Variants in GLCE observed in about 807,000 individuals in gnomAD.
The protein encoded by GLCE is D-glucuronyl C5-epimerase.
Under a neutral mutation model 47.9 loss-of-function variants are expected in GLCE, and 19 were observed. That is an observed-to-expected ratio of 0.40 (90% CI 0.28 to 0.58). The LOEUF (loss-of-function observed/expected upper bound fraction) is 0.58, where lower values mean the gene tolerates loss of function less well. Ranked by LOEUF, GLCE falls within the 20% of genes least tolerant of loss-of-function variation. The probability of loss-of-function intolerance (pLI) is 0.48; values close to 1 mark genes in which losing one functional copy is unlikely to be tolerated. For synonymous variants in GLCE, 245 were observed against 263.4 expected, an observed-to-expected ratio of 0.93 and a Z score of 0.68; for missense variants, 556 against 743.3, an observed-to-expected ratio of 0.75 and a Z score of 2.93.
Position 69,271,151 on chromosome 15 carries a change from G to C in GLCE, c.*1907G>C, listed in dbSNP as rs992142642. 1 of 152,666 alleles carries C rather than the reference G, an allele frequency of 6.6e-6. No homozygotes were observed. Among genetic ancestry groups the C allele is most frequent in the Admixed American group, 6.5e-5 (1 of 15,280 alleles). 9.5% of individuals were successfully genotyped at this position (152,666 alleles called of 1,614,324 possible). ...AATATCGTGCCTTAACAATGTGGCT[G>C]TCCTTTTCCACTGAAGAAGGAAAGA... On this transcript the variant is annotated 3_prime_UTR_variant, in exon 5 of 5. Coordinates refer to ENST00000261858, the MANE Select transcript of GLCE (RefSeq NM_015554.3).
chr15:69,206,522 T>C (rs537172586), intron 1 of GLCE, among the ~76,000 whole-genome samples: 40 of 152,226 alleles, frequency 2.6e-4, no homozygotes, highest in African/African-American at 8.9e-4. Flanking sequence ...CTTCCATTTA[T>C]TTATTCAGTC....
At chr15:69,266,286 A>G (rs2053085003) in intron 4 of GLCE, among the ~76,000 whole-genome samples, 2 of 152,112 alleles carry the variant, frequency 1.3e-5, no homozygotes, top group South Asian at 4.1e-4. Flanking sequence ...CAGCATACTG[A>G]CACCCTCCAA....
rs565245744 is a variant in GLCE at position 69,253,502 on chromosome 15, C to A, written c.-13-2292C>A. On this transcript the variant is annotated intron_variant, in intron 2 of 4. Transcript: ENST00000261858. ...TAAATGTGAATGAGTAACCGAAGATCACCAGGCATGGTGGGAAAAACTAAT... is the reference window on the plus strand; with the variant it reads ...TAAATGTGAATGAGTAACCGAAGATAACCAGGCATGGTGGGAAAAACTAAT... Among the ~76,000 whole-genome samples the A allele has an allele frequency of 1.4e-4, 21 of 152,298 alleles. 1 individual carries two copies. The South Asian group carries it at 4.2e-3, about 30-fold the overall frequency.
At chr15:69,179,753 G>A (rs1041832121) in intron 1 of GLCE, among the ~76,000 whole-genome samples, 2 of 152,210 alleles carry the variant, frequency 1.3e-5, no homozygotes, top group Non-Finnish European at 2.9e-5. Context: ...AGGAAGCCAA[G>A]GCGGGTGGAT....
rs144144334 is a variant in GLCE, at chr15:69,226,551, G to A, written c.-14+16145G>A. ...GCATAGGAATAATGGAGTCTTAAGA[G>A]TAAAGCTCAGTTGCCAAATAGGAAA... On this transcript the variant is annotated intron_variant, in intron 2 of 4. Coordinates refer to ENST00000261858, the MANE Select transcript of GLCE (RefSeq NM_015554.3). 2.1e-3 allele frequency among the ~76,000 whole-genome samples: 319 copies of A among 152,192 alleles called. 2 individuals are homozygous for A. Among genetic ancestry groups the A allele is most frequent in the Middle Eastern group, 0.014 (4 of 294 alleles).
chr15:69,169,369 A>G (rs1255330303), intron 1 of GLCE, among the ~76,000 whole-genome samples: 1 of 152,170 alleles, frequency 6.6e-6, no homozygotes, highest in East Asian at 1.9e-4. Context: ...AATAAAACAT[A>G]TCTCCATATA....
chr15:69,195,096 A>G (rs1331701668), intron 1 of GLCE, among the ~76,000 whole-genome samples: 1 of 152,096 alleles, frequency 6.6e-6, no homozygotes. Context: ...AAGTATGTGT[A>G]TGTATGTGGG....
chr15:69,161,566 C>G (rs554630908), intron 1 of GLCE, among the ~76,000 whole-genome samples: 19 of 152,280 alleles, frequency 1.2e-4, no homozygotes, highest in South Asian at 2.1e-4. Flanking sequence ...GCGCTGGGTC[C>G]GCTGAGGGCG....
intron 2 of GLCE, among the ~76,000 whole-genome samples, chr15:69,222,204 G>A (rs2052386506): frequency 6.6e-6 from 1 of 152,214 alleles, no homozygotes; most frequent in South Asian, 2.1e-4. Flanking sequence ...GAGGGGCTGA[G>A]GTACTCCCAG....
intron 2 of GLCE, among the ~76,000 whole-genome samples, chr15:69,251,191 C>G (rs1198438302): frequency 6.6e-6 from 1 of 152,100 alleles, no homozygotes; most frequent in Admixed American, 6.6e-5. Context: ...TTCCTGTTAA[C>G]CAGAGATTAA....
intron 1 of GLCE, among the ~76,000 whole-genome samples, chr15:69,169,105 C>CT (rs1380373677): frequency 6.6e-6 from 1 of 152,144 alleles, no homozygotes; most frequent in Non-Finnish European, 1.5e-5. Context: ...TCAAATCATT[C>CT]TTTTATGTCT....
At chr15:69,257,622 A>G (rs1402864098) in intron 3 of GLCE, among the ~76,000 whole-genome samples, 4 of 152,200 alleles carry the variant, frequency 2.6e-5, no homozygotes, top group African/African-American at 9.6e-5. Context: ...TGGAATCACA[A>G]ACATGAGGCA....
intron 2 of GLCE, among the ~76,000 whole-genome samples, chr15:69,248,787 A>T (rs2052793156): frequency 6.6e-6 from 1 of 152,164 alleles, no homozygotes; most frequent in Non-Finnish European, 1.5e-5. Context: ...TTTTTAGTAC[A>T]GATGGGATTT....
intron 1 of GLCE, among the ~76,000 whole-genome samples, chr15:69,163,932 G>T (rs1292850170): frequency 1.3e-5 from 2 of 152,014 alleles, no homozygotes; most frequent in African/African-American, 2.4e-5. Flanking sequence ...AGGGTGGGGT[G>T]GGTAGCACAA....
At chr15:69,237,269 T>C (rs1193969553) in intron 2 of GLCE, among the ~76,000 whole-genome samples, 1 of 152,084 alleles carries the variant, frequency 6.6e-6, no homozygotes, top group African/African-American at 2.4e-5. Flanking sequence ...GCATTCTATA[T>C]AAAAAAATTA....
intron 2 of GLCE, among the ~76,000 whole-genome samples, chr15:69,252,259 TA>T (rs200845231): frequency 1.3e-5 from 2 of 151,584 alleles, no homozygotes; most frequent in African/African-American, 4.8e-5. Context: ...AATTTATTTT[TA>T]AAAAAAAAGA....
At chr15:69,196,202 CAAG>C (rs1381773588) in intron 1 of GLCE, among the ~76,000 whole-genome samples, 4 of 152,044 alleles carry the variant, frequency 2.6e-5, no homozygotes, top group Non-Finnish European at 5.9e-5. Context: ...GTTCAAGGAA[CAAG>C]GAGGAGGCTA....
chr15:69,183,008 CA>C (rs961621115), intron 1 of GLCE, among the ~76,000 whole-genome samples: 1 of 151,762 alleles, frequency 6.6e-6, no homozygotes, highest in African/African-American at 2.4e-5. Context: ...CAGAACAAAA[CA>C]AAACAAAAAA....
At chr15:69,202,780 A>G (rs562652128) in intron 1 of GLCE, among the ~76,000 whole-genome samples, 1 of 152,070 alleles carries the variant, frequency 6.6e-6, no homozygotes, top group Middle Eastern at 3.4e-3. Flanking sequence ...TAAGTGTCAC[A>G]TGAGGCCTTC....
Sources: gnomAD v4.1 joint callset for allele counts (sites outside exome capture counted in the v4.1 genomes callset) on GRCh38, gnomAD v4.1.1 for gene constraint, MANE v1.5 for transcripts, NCBI Gene and HGNC (gene_info 2026-07-23, HGNC 2026-07-21) for gene names.